KCNH1: variants seen among roughly 807,000 people sequenced by gnomAD.
The protein encoded by KCNH1 is voltage-gated delayed rectifier potassium channel KCNH1.
Under a neutral mutation model 69.2 loss-of-function variants are expected in KCNH1, and 27 were observed. The observed-to-expected ratio is 0.39, with a 90% CI of 0.29 to 0.54. The LOEUF (loss-of-function observed/expected upper bound fraction) is 0.54. KCNH1 is among the 20% of genes least tolerant of loss of function. The probability of loss-of-function intolerance (pLI) is 0.68; values close to 1 mark genes in which losing one functional copy is unlikely to be tolerated. For synonymous variants in KCNH1, 456 were observed against 487.7 expected, an observed-to-expected ratio of 0.93 and a Z score of 0.86; for missense variants, 798 against 1,261.6, an observed-to-expected ratio of 0.63 and a Z score of 5.57.
At chr1:211,058,321 A>G (rs1208157111) in intron 5 of KCNH1, among the ~76,000 whole-genome samples, 2 of 152,192 alleles carry the variant, frequency 1.3e-5, no homozygotes, top group Non-Finnish European at 2.9e-5. Flanking sequence ...ACAGCATATT[A>G]TAACTGTAAT....
intron 10 of KCNH1, among the ~76,000 whole-genome samples, chr1:210,753,762 A>G (rs1683332125): frequency 6.6e-6 from 1 of 152,136 alleles, no homozygotes; most frequent in African/African-American, 2.4e-5. Context: ...ACATCAGCCC[A>G]TTATAATTCT....
At chr1:210,974,162 T>A (rs1420215292) in intron 6 of KCNH1, among the ~76,000 whole-genome samples, 1 of 152,168 alleles carries the variant, frequency 6.6e-6, no homozygotes. Context: ...TGTAGGTGTT[T>A]TGTTAAATGC....
chr1:210,926,307 T>C (rs546209401), intron 6 of KCNH1, among the ~76,000 whole-genome samples: 1 of 151,244 alleles, frequency 6.6e-6, no homozygotes, highest in African/African-American at 2.4e-5. Flanking sequence ...ACCTTCCGAG[T>C]CCACTCCACT....
intron 6 of KCNH1, among the ~76,000 whole-genome samples, chr1:210,991,568 A>G (rs1192266369): frequency 6.6e-6 from 1 of 151,310 alleles, no homozygotes; most frequent in Non-Finnish European, 1.5e-5. Flanking sequence ...AATGTATTAT[A>G]CATCTCAAAA....
At chr1:210,760,975 G>A (rs369207260) in intron 10 of KCNH1, among the ~76,000 whole-genome samples, 77 of 152,228 alleles carry the variant, frequency 5.1e-4, no homozygotes, top group African/African-American at 1.7e-3. Flanking sequence ...TGTAAAGGCC[G>A]GGCGCGGTGG....
intron 5 of KCNH1, among the ~76,000 whole-genome samples, chr1:211,040,201 A>T (rs1029017152): frequency 7.2e-5 from 11 of 151,792 alleles, no homozygotes; most frequent in African/African-American, 2.7e-4. Flanking sequence ...AAAAAAAAAA[A>T]AAAAAAGACT....
At chr1:210,883,025 G>A (rs1213082157) in intron 7 of KCNH1, among the ~76,000 whole-genome samples, 1 of 152,172 alleles carries the variant, frequency 6.6e-6, no homozygotes, top group Non-Finnish European at 1.5e-5. Context: ...TGTGGTGGTG[G>A]TTATAATGAA....
chr1:211,073,861 A>C (rs963424855), intron 5 of KCNH1, among the ~76,000 whole-genome samples: 4 of 152,052 alleles, frequency 2.6e-5, no homozygotes, highest in Admixed American at 6.5e-5. Context: ...ATTGGAGCAG[A>C]AAGCAATGAA....
intron 6 of KCNH1, among the ~76,000 whole-genome samples, chr1:210,953,464 T>C (rs910839731): frequency 2.0e-5 from 3 of 152,216 alleles, no homozygotes; most frequent in African/African-American, 7.2e-5. Flanking sequence ...TGTCTTACCC[T>C]GGCTTCTGTG....
At chr1:210,961,838 C>CA (rs1199291126) in intron 6 of KCNH1, among the ~76,000 whole-genome samples, 67 of 108,068 alleles carry the variant, frequency 6.2e-4, no homozygotes, top group African/African-American at 2.1e-3. Flanking sequence ...AAAACTGTCT[C>CA]AAAAAAAAAG....
At chr1:210,875,965 C>A (rs1220758815) in intron 7 of KCNH1, among the ~76,000 whole-genome samples, 1 of 152,028 alleles carries the variant, frequency 6.6e-6, no homozygotes, top group African/African-American at 2.4e-5. Context: ...GTTATCAGGA[C>A]TACATCACAG....
intron 7 of KCNH1, among the ~76,000 whole-genome samples, chr1:210,846,979 A>C (rs1428895752): frequency 4.6e-5 from 7 of 152,248 alleles, no homozygotes; most frequent in Non-Finnish European, 8.8e-5. Context: ...ACGTGAAAAA[A>C]TGCTCACCAT....
chr1:211,002,077 G>C (rs1689193110), intron 6 of KCNH1, among the ~76,000 whole-genome samples: 1 of 151,596 alleles, frequency 6.6e-6, no homozygotes, highest in Admixed American at 6.6e-5. Flanking sequence ...TGAGTTAATG[G>C]GTGCAGCACA....
Position 210,945,807 on chromosome 1 carries a change from T to C in KCNH1, c.1033-25738A>G, listed in dbSNP as rs571341843. Among the ~76,000 whole-genome samples, 7 of 152,338 alleles carry C rather than the reference T, an allele frequency of 4.6e-5. No individual in the cohort carries two copies. In the South Asian group the frequency reaches 1.4e-3, roughly 32 times the overall value. Reference sequence around the variant, plus strand: ...CACCCAATTGTCCTCACTCATCTCATTGGAGTTGTTGCTCAAATGTTAACT... The same window carrying C: ...CACCCAATTGTCCTCACTCATCTCACTGGAGTTGTTGCTCAAATGTTAACT... On this transcript the variant is annotated intron_variant, in intron 6 of 10. Coordinates refer to ENST00000271751, the MANE Select transcript of KCNH1 (RefSeq NM_172362.3).
intron 6 of KCNH1, among the ~76,000 whole-genome samples, chr1:210,982,211 C>G (rs116004969): frequency 7.3e-6 from 1 of 136,638 alleles, no homozygotes; most frequent in African/African-American, 2.9e-5. Context: ...GAAAAGGATG[C>G]GAGAATACTT....
At chr1:210,886,130 C>T (rs1686600990) in intron 7 of KCNH1, among the ~76,000 whole-genome samples, 1 of 152,188 alleles carries the variant, frequency 6.6e-6, no homozygotes, top group Admixed American at 6.5e-5. Flanking sequence ...TCCACAGACA[C>T]CTCATATAGG....
rs532664712 is a variant in KCNH1, at chr1:210,933,332, C to G, written c.1033-13263G>C. On this transcript the variant is annotated intron_variant, in intron 6 of 10. Transcript: ENST00000271751. ...GAACAATGAGAACACATGGACACAG[C>G]AAGGGGAACATCAAACTCTGGGGAC... Among the ~76,000 whole-genome samples the G allele has an allele frequency of 8.7e-5, 13 of 149,956 alleles. No homozygotes were observed. The East Asian group carries it at 2.2e-3, about 25-fold the overall frequency.
chr1:210,843,179 G>A (rs1685459283), intron 7 of KCNH1, among the ~76,000 whole-genome samples: 1 of 152,170 alleles, frequency 6.6e-6, no homozygotes, highest in Admixed American at 6.6e-5. Flanking sequence ...TATTGCATTG[G>A]ATCAACTAGT....
chr1:210,766,121 T>A (rs975673649), intron 10 of KCNH1, among the ~76,000 whole-genome samples: 4 of 151,964 alleles, frequency 2.6e-5, no homozygotes, highest in Non-Finnish European at 4.4e-5. Context: ...ACATGCCCAA[T>A]ATTGGTTGGT....
Sources: allele counts gnomAD v4.1 joint callset (sites outside exome capture counted in the v4.1 genomes callset), GRCh38; gene constraint gnomAD v4.1.1; transcripts MANE v1.5; gene names NCBI Gene and HGNC (gene_info 2026-07-23, HGNC 2026-07-21).